The following BORCS5 variants were observed in gnomAD, a reference collection of about 807,000 sequenced individuals.
The protein encoded by BORCS5 is BLOC-1 related complex subunit 5.
A neutral mutation model predicts 22.1 loss-of-function variants in BORCS5; 17 were observed. The ratio of observed to expected loss-of-function variants is 0.77; its 90% CI spans 0.53 to 1.15. BORCS5 has a LOEUF of 1.15. BORCS5 is among the 50% of genes most tolerant of loss of function. BORCS5 has a pLI of 0.00. For synonymous variants in BORCS5, 117 were observed against 99.8 expected, an observed-to-expected ratio of 1.17 and a Z score of -1.03; for missense variants, 247 against 253.2, an observed-to-expected ratio of 0.98 and a Z score of 0.17.
At chr12:12,382,486 A>T (rs1047024164) in intron 2 of BORCS5, among the ~76,000 whole-genome samples, 2 of 151,026 alleles carry the variant, frequency 1.3e-5, no homozygotes, top group African/African-American at 4.9e-5. Flanking sequence ...CAAGTATCCA[A>T]ATGATATCAC....
At chr12:12,378,820 A>G (rs1002778620) in intron 2 of BORCS5, among the ~76,000 whole-genome samples, 2 of 151,496 alleles carry the variant, frequency 1.3e-5, no homozygotes, top group Middle Eastern at 3.4e-3. Context: ...TGGTGAGATC[A>G]TGACTCACTG....
chr12:12,408,772 ATAT>A (rs1565878730), intron 2 of BORCS5, among the ~76,000 whole-genome samples: 1 of 152,214 alleles, frequency 6.6e-6, no homozygotes, highest in African/African-American at 2.4e-5. Context: ...ATATAGAAAA[ATAT>A]TATTCAGTCT....
At chr12:12,374,742 G>C (rs1863609715) in intron 2 of BORCS5, among the ~76,000 whole-genome samples, 2 of 152,086 alleles carry the variant, frequency 1.3e-5, no homozygotes, top group Admixed American at 6.5e-5. Context: ...TGGATCACTT[G>C]AGGTCAGGAG....
intron 2 of BORCS5, among the ~76,000 whole-genome samples, chr12:12,374,234 G>T (rs376477949): frequency 2.6e-5 from 4 of 151,498 alleles, no homozygotes. Context: ...CTCGTGATCC[G>T]CCCGCCTCAG....
Position 12,377,258 on chromosome 12 carries a change from A to AGCCCC in BORCS5, c.202+15918_202+15922dup, listed in dbSNP as rs543965414. Reference sequence around the variant, plus strand: ...AGTGGTGTGATCTTGGCTCACTGCAAGCCCCGCCCCGCCAGGCTCAAGCAA... The same window carrying AGCCCC: ...AGTGGTGTGATCTTGGCTCACTGCAAGCCCCGCCCCGCCCCGCCAGGCTCAAGCAA... On this transcript the variant is annotated intron_variant, in intron 2 of 3. Transcript: ENST00000314565. Among the ~76,000 whole-genome samples, 375 of 151,476 alleles carry AGCCCC rather than the reference A, an allele frequency of 2.5e-3. 1 individual carries two copies. Among genetic ancestry groups the AGCCCC allele is most frequent in the Non-Finnish European group, 3.9e-3 (263 of 67,910 alleles).
rs562239513 is a variant in BORCS5, at chr12:12,361,325, C to T, written c.178C>T (p.Pro60Ser). 2 of 1,614,116 alleles carry T rather than the reference C, an allele frequency of 1.2e-6. No homozygotes were observed. Among genetic ancestry groups the T allele is most frequent in the East Asian group, 2.2e-5 (1 of 44,878 alleles). ...CGATGTCATCAAGTTGCAAGAGATT[C>T]CAACCTTCCAGCCCCTTTTGAAAGG... ...DPDVIKLQEI[P>S]TFQPLLKGLL... is the part of the protein sequence containing the mutation. The change falls in exon 2 of 4, where the codon CCA becomes TCA. Residue 60 changes from proline (P) to serine (S), a missense_variant. Coordinates refer to ENST00000314565, the MANE Select transcript of BORCS5 (RefSeq NM_058169.6).
chr12:12,357,319 A>C lies in BORCS5; in HGVS notation c.-133A>C. 1 of 1,470,558 alleles carries C rather than the reference A, an allele frequency of 6.8e-7. No individual in the cohort carries two copies. The highest frequency in any genetic ancestry group is 9.0e-7 in the Non-Finnish European group (1 of 1,106,174). 91.1% of individuals were successfully genotyped at this position (1,470,558 alleles called of 1,614,324 possible). ...CGTGGGCTGGACGCGTCAGCCCCACACATTAGCCTCGCTGCGGCGCCCAGA... is the reference window on the plus strand; with the variant it reads ...CGTGGGCTGGACGCGTCAGCCCCACCCATTAGCCTCGCTGCGGCGCCCAGA... On this transcript the variant is annotated 5_prime_UTR_variant, in exon 1 of 4. Coordinates refer to ENST00000314565, the MANE Select transcript of BORCS5 (RefSeq NM_058169.6).
chr12:12,362,250 C>T (rs6488518), intron 2 of BORCS5, among the ~76,000 whole-genome samples: 95,776 of 152,046 alleles, frequency 0.63, 32,270 homozygotes, highest in Middle Eastern at 0.79. Flanking sequence ...AGCTGGCATA[C>T]ACAGAGGTTG....
chr12:12,432,549 T>C (rs774823987), intron 2 of BORCS5, among the ~76,000 whole-genome samples: 4 of 152,216 alleles, frequency 2.6e-5, no homozygotes, highest in African/African-American at 4.8e-5. Flanking sequence ...TGAAAACTTA[T>C]GTTTACACAA....
intron 2 of BORCS5, among the ~76,000 whole-genome samples, chr12:12,383,114 G>A (rs765632058): frequency 2.7e-5 from 4 of 150,870 alleles, no homozygotes; most frequent in Non-Finnish European, 5.9e-5. Flanking sequence ...TTAGTTTACT[G>A]TTTTAACTGT....
intron 1 of BORCS5, among the ~76,000 whole-genome samples, chr12:12,359,205 C>T (rs907264980): frequency 2.0e-5 from 3 of 152,086 alleles, no homozygotes; most frequent in African/African-American, 7.2e-5. Context: ...CTGATTTTTG[C>T]CTCAGCCTAG....
Position 12,433,170 on chromosome 12 carries a change from C to T in BORCS5, c.203-2458C>T, listed in dbSNP as rs371153487. Among the ~76,000 whole-genome samples, 42 of 151,728 alleles carry T rather than the reference C, an allele frequency of 2.8e-4. No individual in the cohort carries two copies. The East Asian group carries it at 5.4e-3, about 20-fold the overall frequency. ...CCAACATGGTGAAACCCTGTCTCTA[C>T]TAAAAAATGCAAAAATTAGGCAGGA... is the stretch of plus-strand genomic sequence containing the variant. On this transcript the variant is annotated intron_variant, in intron 2 of 3. Transcript: ENST00000314565.
rs145551583 is a variant in BORCS5, at chr12:12,421,752, A to G, written c.203-13876A>G. On this transcript the variant is annotated intron_variant, in intron 2 of 3. Transcript: ENST00000314565. ...GAGCCTATTATTGGTGTATTAAGAG[A>G]TTCATCTTCTTCCTGGTTTAGTCTT... 6.2e-4 allele frequency among the ~76,000 whole-genome samples: 95 copies of G among 152,260 alleles called. 2 individuals are homozygous for G. The highest frequency in any genetic ancestry group is 8.1e-4 in the Non-Finnish European group (55 of 68,022).
chr12:12,433,611 C>G (rs1324934070), intron 2 of BORCS5, among the ~76,000 whole-genome samples: 1 of 152,148 alleles, frequency 6.6e-6, no homozygotes, highest in African/African-American at 2.4e-5. Flanking sequence ...ACACGGGATC[C>G]TATACATAGG....
chr12:12,430,616 G>A (rs553983595), intron 2 of BORCS5, among the ~76,000 whole-genome samples: 2 of 152,116 alleles, frequency 1.3e-5, no homozygotes, highest in South Asian at 2.1e-4. Context: ...GTTAAAATGA[G>A]TTTATTTATT....
At chr12:12,426,444 G>A (rs1942288288) in intron 2 of BORCS5, among the ~76,000 whole-genome samples, 4 of 152,360 alleles carry the variant, frequency 2.6e-5, no homozygotes, top group Admixed American at 2.0e-4. Flanking sequence ...AGACACTGAG[G>A]TGTGTCGTTT....
intron 3 of BORCS5, among the ~76,000 whole-genome samples, chr12:12,442,853 G>A (rs1051228012): frequency 1.3e-5 from 2 of 152,190 alleles, no homozygotes; most frequent in African/African-American, 4.8e-5. Context: ...CCATTCATGG[G>A]CCTGCACACA....
chr12:12,434,461 A>G (rs1942511068), intron 2 of BORCS5, among the ~76,000 whole-genome samples: 5 of 152,172 alleles, frequency 3.3e-5, no homozygotes, highest in African/African-American at 1.2e-4. Context: ...GGTCAAAACT[A>G]TGTTTGTAAT....
At chr12:12,408,578 G>A (rs1257773138) in intron 2 of BORCS5, among the ~76,000 whole-genome samples, 2 of 152,008 alleles carry the variant, frequency 1.3e-5, no homozygotes, top group Non-Finnish European at 2.9e-5. Context: ...TCCCAGCCCT[G>A]GTAACCACTG....
Sources: gnomAD v4.1 joint callset for allele counts (sites outside exome capture counted in the v4.1 genomes callset) on GRCh38, gnomAD v4.1.1 for gene constraint, MANE v1.5 for transcripts, NCBI Gene and HGNC (gene_info 2026-07-23, HGNC 2026-07-21) for gene names.